Variants in RAD23B observed in about 807,000 individuals in gnomAD.
RAD23B encodes lysine-specific demethylase RAD23B.
In RAD23B, 5 loss-of-function variants were observed where a neutral mutation model predicts 49.1. That is an observed-to-expected ratio of 0.10 (90% CI 0.05 to 0.21). The LOEUF is 0.21. RAD23B is among the 10% of genes least tolerant of loss of function. The pLI is 1.00. For synonymous variants in RAD23B, 184 were observed against 165.4 expected (o/e 1.11, Z -0.86); for missense variants, 356 against 486.7 (o/e 0.73, Z 2.53).
chr9:107,311,311 T>C (rs1196975188), intron 4 of RAD23B, among the ~76,000 whole-genome samples: 1 of 152,210 alleles, frequency 6.6e-6, no homozygotes, highest in Non-Finnish European at 1.5e-5. Flanking sequence ...GCTTTTGATA[T>C]TTCTTCTGGT....
chr9:107,328,313 G>T (rs533403540), intron 9 of RAD23B, among the ~76,000 whole-genome samples: 1 of 152,266 alleles, frequency 6.6e-6, no homozygotes, highest in East Asian at 1.9e-4. Flanking sequence ...CAGTTACGTA[G>T]AAGACCTTTT....
intron 9 of RAD23B, among the ~76,000 whole-genome samples, chr9:107,327,819 T>A (rs57935630): frequency 0.041 from 6,249 of 152,250 alleles, 394 homozygotes; most frequent in African/African-American, 0.14. Flanking sequence ...GGAGCTGTAG[T>A]TGTCTCTATT....
Position 107,291,372 on chromosome 9 carries a change from G to C in RAD23B, c.66+7677G>C, listed in dbSNP as rs1052039718. Among the ~76,000 whole-genome samples the C allele has an allele frequency of 4.6e-5, 7 of 152,252 alleles. No individual in the cohort carries two copies. In the East Asian group the frequency reaches 1.4e-3, roughly 29 times the overall value. On this transcript the variant is annotated intron_variant, in intron 1 of 9. Coordinates refer to ENST00000358015, the MANE Select transcript of RAD23B (RefSeq NM_002874.5). ...ATAATAGATTAAATTGGCATGAATTGGTTGGCTTAATTTCTGTGGGACAAA... is the reference window on the plus strand; with the variant it reads ...ATAATAGATTAAATTGGCATGAATTCGTTGGCTTAATTTCTGTGGGACAAA...
chr9:107,298,717 T>C (rs1179759052), intron 1 of RAD23B, among the ~76,000 whole-genome samples: 1 of 151,546 alleles, frequency 6.6e-6, no homozygotes, highest in African/African-American at 2.4e-5. Context: ...TATAAACTTA[T>C]TATAATAAAT....
chr9:107,322,694 T>A (rs999437789), intron 7 of RAD23B, among the ~76,000 whole-genome samples: 6 of 152,226 alleles, frequency 3.9e-5, no homozygotes, highest in Non-Finnish European at 5.9e-5. Flanking sequence ...CCTTCGTTCG[T>A]TCTTCTGTAT....
At chr9:107,303,002 G>A (rs1474622191) in intron 3 of RAD23B, among the ~76,000 whole-genome samples, 2 of 152,174 alleles carry the variant, frequency 1.3e-5, no homozygotes, top group Non-Finnish European at 2.9e-5. Context: ...AGGCTGGAAT[G>A]TATTTGGAAC....
intron 1 of RAD23B, among the ~76,000 whole-genome samples, chr9:107,293,957 A>C (rs1234360334): frequency 6.6e-6 from 1 of 152,188 alleles, no homozygotes; most frequent in Non-Finnish European, 1.5e-5. Context: ...TCTAATTAAA[A>C]AAATTTTTTT....
rs1292890660 is a variant in RAD23B, at chr9:107,319,109, G to T, written c.681+230G>T. On this transcript the variant is annotated intron_variant, in intron 6 of 9. Transcript: ENST00000358015. ...GGTGCCACTATGCGTGAATTATTCA[G>T]AACAAAAATTTCTTTTTTCTTTTTT... 6.9e-5 allele frequency among the ~76,000 whole-genome samples: 10 copies of T among 144,970 alleles called. No individual in the cohort carries two copies. The Admixed American group carries it at 7.0e-4, about 10-fold the overall frequency.
chr9:107,287,612 A>C (rs769318673), intron 1 of RAD23B, among the ~76,000 whole-genome samples: 1 of 152,124 alleles, frequency 6.6e-6, no homozygotes, highest in Non-Finnish European at 1.5e-5. Context: ...AGGCGGGTGG[A>C]TCACCTGAGG....
rs2133104923 is a variant in RAD23B, at chr9:107,331,639, T to C, written c.*1983T>C. The C allele has an allele frequency of 1.3e-6, 1 of 769,296 alleles. No individual in the cohort carries two copies. Among genetic ancestry groups the C allele is most frequent in the East Asian group, 2.4e-5 (1 of 41,184 alleles). 47.7% of individuals were successfully genotyped at this position (769,296 alleles called of 1,614,324 possible). ...CTGATCGGATAATGGAATACTCTCA[T>C]TTATTTTATGACATTCTCTGTCTAC... On this transcript the variant is annotated 3_prime_UTR_variant, in exon 10 of 10. Transcript: ENST00000358015.
At chr9:107,298,190 A>C (rs1227722632) in intron 1 of RAD23B, among the ~76,000 whole-genome samples, 1 of 152,232 alleles carries the variant, frequency 6.6e-6, no homozygotes, top group Non-Finnish European at 1.5e-5. Context: ...CAGTTGGTTG[A>C]CTTGGCAAGT....
At chr9:107,296,267 C>T (rs937254195) in intron 1 of RAD23B, among the ~76,000 whole-genome samples, 1 of 152,168 alleles carries the variant, frequency 6.6e-6, no homozygotes, top group Admixed American at 6.5e-5. Context: ...CTTCCCCCAC[C>T]ACCTTAAAAA....
In RAD23B at chr9:107,307,895, C is replaced by T. The variant is rs138113505; in HGVS notation, c.497+1248C>T. On this transcript the variant is annotated intron_variant, in intron 4 of 9. Transcript: ENST00000358015. ...GACACCATTGCCTAACTTGATCCAT[C>T]TTTCCCATGTACAACTAGAAATGCA... Among the ~76,000 whole-genome samples, 80 of 152,294 alleles carry T rather than the reference C, an allele frequency of 5.3e-4. 1 individual carries two copies. Among genetic ancestry groups the T allele is most frequent in the Admixed American group, 3.3e-3 (51 of 15,302 alleles).
intron 7 of RAD23B, among the ~76,000 whole-genome samples, chr9:107,323,550 C>T (rs1475065749): frequency 6.6e-6 from 1 of 152,108 alleles, no homozygotes; most frequent in African/African-American, 2.4e-5. Flanking sequence ...GCAACAGGAA[C>T]AACTTTTAGT....
chr9:107,288,881 A>G (rs888403682), intron 1 of RAD23B, among the ~76,000 whole-genome samples: 8 of 152,262 alleles, frequency 5.3e-5, no homozygotes, highest in Admixed American at 2.0e-4. Context: ...GGTGATGGGT[A>G]AGAGATAAGG....
chr9:107,332,033 G>A lies in RAD23B; in HGVS notation c.*2377G>A, dbSNP rs1827319551. On this transcript the variant is annotated 3_prime_UTR_variant, in exon 10 of 10. Coordinates refer to ENST00000358015, the MANE Select transcript of RAD23B (RefSeq NM_002874.5). ...CTCGTTTAGTTGCTCTGTGGGAAATGTGAGGAAGCCTAAGTTTGTATTTGT... is the reference window on the plus strand; with the variant it reads ...CTCGTTTAGTTGCTCTGTGGGAAATATGAGGAAGCCTAAGTTTGTATTTGT... 2.9e-6 allele frequency: 1 copy of A among 349,454 alleles called. No homozygotes were observed. The highest frequency in any genetic ancestry group is 5.1e-6 in the Non-Finnish European group (1 of 196,600). The allele number at this position is 349,454 out of a possible 1,614,324, so 21.6% of individuals were successfully genotyped here.
intron 1 of RAD23B, among the ~76,000 whole-genome samples, chr9:107,285,424 C>G (rs1833256342): frequency 1.3e-5 from 2 of 152,088 alleles, no homozygotes; most frequent in African/African-American, 2.4e-5. Context: ...TTATTGAAAG[C>G]TAAAGAAATA....
Position 107,331,517 on chromosome 9 carries a change from T to G in RAD23B, c.*1861T>G. On this transcript the variant is annotated 3_prime_UTR_variant, in exon 10 of 10. Transcript: ENST00000358015. ...TTTGTATTACCTGTATGTTTTATAA[T>G]GGATCATGCATAATTTCTCAGGAGA... is the stretch of plus-strand genomic sequence containing the variant. 6.7e-6 allele frequency: 4 copies of G among 599,940 alleles called. No homozygotes were observed. The highest frequency in any genetic ancestry group is 2.1e-5 in the South Asian group (1 of 46,602). 37.2% of individuals were successfully genotyped at this position (599,940 alleles called of 1,614,324 possible). A position where few individuals can be genotyped will look rare whatever the true frequency, so the allele number is the denominator to read the frequency against.
At chr9:107,294,594 T>C (rs1826459978) in intron 1 of RAD23B, among the ~76,000 whole-genome samples, 1 of 152,270 alleles carries the variant, frequency 6.6e-6, no homozygotes, top group South Asian at 2.1e-4. Context: ...TCTTTCTTGC[T>C]AATCTGTTTT....
Sources: gnomAD v4.1 joint callset for allele counts (sites outside exome capture counted in the v4.1 genomes callset) on GRCh38, gnomAD v4.1.1 for gene constraint, MANE v1.5 for transcripts, NCBI Gene and HGNC (gene_info 2026-07-23, HGNC 2026-07-21) for gene names.